COL26A1: variants seen among roughly 807,000 people sequenced by gnomAD.
COL26A1 encodes collagen type XXVI alpha 1 chain, also known as collagen alpha-1(XXVI) chain.
A neutral mutation model predicts 59.3 loss-of-function variants in COL26A1; 41 were observed. The observed-to-expected ratio is 0.69, with a 90% CI of 0.54 to 0.90. The LOEUF (loss-of-function observed/expected upper bound fraction) is 0.90, where lower values mean the gene tolerates loss of function less well. COL26A1 is among the 40% of genes least tolerant of loss of function. The pLI is 0.00. For synonymous variants in COL26A1, 266 were observed against 256.0 expected (o/e 1.04, Z -0.37); for missense variants, 612 against 602.3 (o/e 1.02, Z -0.17).
At chr7:101,551,432 A>G (rs1050883974) in intron 10 of COL26A1, among the ~76,000 whole-genome samples, 2 of 152,222 alleles carry the variant, frequency 1.3e-5, no homozygotes, top group Non-Finnish European at 1.5e-5. Flanking sequence ...GCCTGGGGCC[A>G]TAGGTTAACA....
At chr7:101,377,428 C>G (rs1791344256) in intron 1 of COL26A1, among the ~76,000 whole-genome samples, 1 of 152,114 alleles carries the variant, frequency 6.6e-6, no homozygotes, top group Admixed American at 6.6e-5. Flanking sequence ...CCTGCAGTGA[C>G]TCACTTTTTT....
At chr7:101,379,434 C>T (rs1791396085) in intron 1 of COL26A1, among the ~76,000 whole-genome samples, 1 of 152,184 alleles carries the variant, frequency 6.6e-6, no homozygotes, top group Non-Finnish European at 1.5e-5. Flanking sequence ...TGCTCCTGGT[C>T]TCTCTTGGTG....
chr7:101,458,805 T>C (rs1178373730), intron 3 of COL26A1, among the ~76,000 whole-genome samples: 1 of 40,928 alleles, frequency 2.4e-5, no homozygotes, highest in Non-Finnish European at 5.6e-5. Flanking sequence ...AACCTGGGTC[T>C]TTTTTTTTTT....
chr7:101,508,517 C>A (rs956109844), intron 3 of COL26A1, among the ~76,000 whole-genome samples: 101 of 127,572 alleles, frequency 7.9e-4, no homozygotes, highest in African/African-American at 2.0e-3. Flanking sequence ...AAAACCCTGT[C>A]AAAAAAAAAA....
chr7:101,557,227 G>A (rs756492545), intron 12 of COL26A1, 143 bp from the exon 13 acceptor site: 11 of 700,438 alleles, frequency 1.6e-5, no homozygotes, highest in Admixed American at 2.9e-5. Context: ...ATGAATGAAT[G>A]CATAAGGGGC....
At position 101,389,699 on chromosome 7, in the gene COL26A1, A is replaced by G. The variant is rs1007481102; in HGVS notation, c.158+26509A>G. ...GCCTCTCGAGTAGCTGATTACAGGCATGCGCCACCATGCCCAGCTAATTAT... is the reference window on the plus strand; with the variant it reads ...GCCTCTCGAGTAGCTGATTACAGGCGTGCGCCACCATGCCCAGCTAATTAT... On this transcript the variant is annotated intron_variant, in intron 1 of 12. Coordinates refer to ENST00000313669, the MANE Select transcript of COL26A1 (RefSeq NM_001278563.3). Among the ~76,000 whole-genome samples, 3 of 152,214 alleles carry G rather than the reference A, an allele frequency of 2.0e-5. No homozygotes were observed. In the East Asian group the frequency reaches 5.8e-4, roughly 29 times the overall value.
Position 101,496,116 on chromosome 7 carries a change from A to G in COL26A1, c.386-36966A>G, listed in dbSNP as rs563045254. Among the ~76,000 whole-genome samples the G allele has an allele frequency of 2.7e-3, 404 of 152,212 alleles. 2 individuals carry two copies. The highest frequency in any genetic ancestry group is 9.4e-3 in the African/African-American group (389 of 41,544). ...ATAAAAAAGGCGGCTTAGCATGACT[A>G]GGCATGGCCCAGTTCCCAGCAGCCC... On this transcript the variant is annotated intron_variant, in intron 3 of 12. Transcript: ENST00000313669.
chr7:101,524,497 T>A (rs1307721658), intron 3 of COL26A1, among the ~76,000 whole-genome samples: 1 of 152,196 alleles, frequency 6.6e-6, no homozygotes, highest in Non-Finnish European at 1.5e-5. Flanking sequence ...GACACTGACA[T>A]GTTCAATGTA....
chr7:101,469,662 G>A (rs1336978243), intron 3 of COL26A1, among the ~76,000 whole-genome samples: 1 of 151,978 alleles, frequency 6.6e-6, no homozygotes, highest in African/African-American at 2.4e-5. Context: ...GCTAATTTTT[G>A]TATTTTTAGT....
intron 1 of COL26A1, among the ~76,000 whole-genome samples, chr7:101,399,226 A>C (rs1791934388): frequency 6.6e-6 from 1 of 152,140 alleles, no homozygotes; most frequent in Non-Finnish European, 1.5e-5. Context: ...GGATTGCTTG[A>C]GCCCAGGAGG....
chr7:101,499,896 A>AAAAG (rs35819045), intron 3 of COL26A1, among the ~76,000 whole-genome samples: 19,801 of 141,022 alleles, frequency 0.14, 3,803 homozygotes, highest in African/African-American at 0.42. Flanking sequence ...AAAAAAAAAA[A>AAAAG]CACCTTTGTT....
At chr7:101,490,814 C>T (rs1173965664) in intron 3 of COL26A1, among the ~76,000 whole-genome samples, 2 of 152,044 alleles carry the variant, frequency 1.3e-5, no homozygotes, top group African/African-American at 4.8e-5. Context: ...GCCTGGACAA[C>T]ATGGTGAAAC....
chr7:101,391,511 CTA>C (rs1791727881), intron 1 of COL26A1, among the ~76,000 whole-genome samples: 1 of 152,150 alleles, frequency 6.6e-6, no homozygotes, highest in African/African-American at 2.4e-5. Context: ...TAGGTCTTCT[CTA>C]TGGTTCTCTG....
rs1455132243 is a variant in COL26A1, at chr7:101,551,088, C to T, written c.994-20C>T. 10 of 1,553,380 alleles carry T rather than the reference C, an allele frequency of 6.4e-6. No individual in the cohort carries two copies. The Admixed American group carries it at 2.0e-4, about 30-fold the overall frequency. On this transcript the variant is annotated intron_variant, in intron 9 of 12. Transcript: ENST00000313669. ...GGCCAGGACCGGCAGGCCTCACACGCTTCCTTTGGTTTTCTGCAGGGCCTG... is the reference window on the plus strand; with the variant it reads ...GGCCAGGACCGGCAGGCCTCACACGTTTCCTTTGGTTTTCTGCAGGGCCTG...
intron 3 of COL26A1, among the ~76,000 whole-genome samples, chr7:101,479,522 T>C (rs780553456): frequency 2.6e-5 from 4 of 152,186 alleles, no homozygotes; most frequent in Non-Finnish European, 4.4e-5. Flanking sequence ...TTCATTCCTT[T>C]TCTTTGGTTG....
At chr7:101,500,537 A>G (rs1340069398) in intron 3 of COL26A1, among the ~76,000 whole-genome samples, 1 of 152,078 alleles carries the variant, frequency 6.6e-6, no homozygotes, top group East Asian at 1.9e-4. Flanking sequence ...AAAATACCGG[A>G]CCGGGCGCGG....
rs869149636 is a variant in COL26A1, at chr7:101,366,474, ATTTTTTTTTTTTTTTTT to A, written c.158+3311_158+3327del. Among the ~76,000 whole-genome samples the A allele has an allele frequency of 1.4e-3, 105 of 76,254 alleles. 1 individual carries two copies. Among genetic ancestry groups the A allele is most frequent in the Admixed American group, 1.9e-3 (9 of 4,672 alleles). 50.0% of individuals were successfully genotyped at this position (76,254 alleles called of 152,430 possible). ...TGTTACTGCTCCTTGTTAACGTCTG[ATTTTTTTTTTTTTTTTT>A]TTTTTTTTTTTTTTTTTTTTTTTTT... On this transcript the variant is annotated intron_variant, in intron 1 of 12. Coordinates refer to ENST00000313669, the MANE Select transcript of COL26A1 (RefSeq NM_001278563.3).
At chr7:101,528,936 C>T (rs139616251) in intron 3 of COL26A1, among the ~76,000 whole-genome samples, 4,475 of 152,162 alleles carry the variant, frequency 0.029, 244 homozygotes, top group African/African-American at 0.1. Context: ...GAGGCCAAGC[C>T]GGGTGGATCA....
chr7:101,486,268 ACAGACAGCGATCTT>A (rs139175393), intron 3 of COL26A1, among the ~76,000 whole-genome samples: 7,148 of 152,202 alleles, frequency 0.047, 328 homozygotes, highest in East Asian at 0.23. Flanking sequence ...TGGGAAGGGA[ACAGACAGCGATCTT>A]CAGTTTCACA....
Sources: allele counts gnomAD v4.1 joint callset (sites outside exome capture counted in the v4.1 genomes callset), GRCh38; gene constraint gnomAD v4.1.1; transcripts MANE v1.5; gene names NCBI Gene and HGNC (gene_info 2026-07-23, HGNC 2026-07-21).